The following TSPAN15 variants were observed in gnomAD, a reference collection of about 807,000 sequenced individuals.
TSPAN15 encodes tetraspanin-15.
In TSPAN15, 20 loss-of-function variants were observed where a neutral mutation model predicts 34.5. The ratio of observed to expected loss-of-function variants is 0.58; its 90% confidence interval spans 0.41 to 0.84. The LOEUF is 0.84. TSPAN15 is among the 40% of genes least tolerant of loss of function. The probability of loss-of-function intolerance (pLI) is 0.00; values close to 1 mark genes in which losing one functional copy is unlikely to be tolerated. For missense variants in TSPAN15, 313 were observed against 386.1 expected (o/e 0.81, Z 1.59); for synonymous variants, 155 against 153.9 (o/e 1.01, Z -0.05).
chr10:69,467,370 G>T (rs10998799), intron 1 of TSPAN15, among the ~76,000 whole-genome samples: 60,634 of 152,000 alleles, frequency 0.4, 12,601 homozygotes, highest in Non-Finnish European at 0.45. Flanking sequence ...GCTGACCCTT[G>T]CCTGGGGCCA....
At chr10:69,536,427 C>T in the TSPAN15 span, among the ~76,000 whole-genome samples, 2 of 152,288 alleles carry the variant, frequency 1.3e-5, no homozygotes, top group East Asian at 3.9e-4. Context: ...TGCCTGTCCC[C>T]AAGGGTTTCA....
the TSPAN15 span, among the ~76,000 whole-genome samples, chr10:69,531,940 C>CAA: frequency 1.0e-4 from 10 of 97,288 alleles, no homozygotes; most frequent in African/African-American, 1.6e-4. Context: ...CAAAACAAAA[C>CAA]AAAAAAAAAA....
chr10:69,467,346 C>A (rs529870829), intron 1 of TSPAN15, among the ~76,000 whole-genome samples: 2 of 152,284 alleles, frequency 1.3e-5, no homozygotes, highest in South Asian at 2.1e-4. Context: ...CCACCAGACC[C>A]AGGCCTCTGG....
downstream of TSPAN15, among the ~76,000 whole-genome samples, chr10:69,510,165 T>A (rs1199562118): frequency 6.6e-6 from 1 of 152,242 alleles, no homozygotes; most frequent in African/African-American, 2.4e-5. Context: ...TAAATTACTT[T>A]GGGCCATATG....
chr10:69,545,684 C>T, the TSPAN15 span, among the ~76,000 whole-genome samples: 106 of 152,310 alleles, frequency 7.0e-4, no homozygotes, highest in African/African-American at 2.4e-3. Context: ...AGGCTGGGTG[C>T]GGTGGCTCAC....
chr10:69,510,318 G>A (rs894826336), downstream of TSPAN15, among the ~76,000 whole-genome samples: 17 of 152,136 alleles, frequency 1.1e-4, no homozygotes, highest in African/African-American at 3.6e-4. Flanking sequence ...TGTATTCCTA[G>A]GTATTTTATT....
chr10:69,457,230 C>A (rs576851514), intron 1 of TSPAN15, among the ~76,000 whole-genome samples: 1 of 152,182 alleles, frequency 6.6e-6, no homozygotes, highest in African/African-American at 2.4e-5. Flanking sequence ...GAATGCTGCC[C>A]CTGGGGCCTG....
intron 5 of TSPAN15, among the ~76,000 whole-genome samples, chr10:69,503,645 G>A (rs55789551): frequency 0.096 from 14,631 of 152,176 alleles, 838 homozygotes; most frequent in South Asian, 0.13. Flanking sequence ...GTCATCACTG[G>A]CGCCTGCAGC....
In TSPAN15 at chr10:69,498,411, T is replaced by C; in HGVS notation, c.570+15T>C. 1.9e-6 allele frequency: 3 copies of C among 1,607,236 alleles called. No homozygotes were observed. The highest frequency in any genetic ancestry group is 2.6e-6 in the Non-Finnish European group (3 of 1,173,944). The stretch of plus-strand genomic sequence containing the variant: ...TCAGGAACACGGTAGACACTGCTCC[T>C]GTGGGGACTGGGGGGCTGTCGGGGA... On this transcript the variant is annotated intron_variant, in intron 5 of 7. Transcript: ENST00000373290.
At chr10:69,539,449 A>AAGAAGAAGAAGAAGAAGG in the TSPAN15 span, among the ~76,000 whole-genome samples, 4 of 26,938 alleles carry the variant, frequency 1.5e-4, no homozygotes, top group African/African-American at 4.7e-4. Context: ...AAGGAAGAAG[A>AAGAAGAAGAAGAAGAAGG]AGAAGAAGAA....
chr10:69,497,139 C>T (rs1366732385), intron 4 of TSPAN15, among the ~76,000 whole-genome samples: 1 of 152,152 alleles, frequency 6.6e-6, no homozygotes, highest in Non-Finnish European at 1.5e-5. Flanking sequence ...GAGGATTTGA[C>T]CTTGGGTCTG....
chr10:69,465,322 G>T (rs1841360891), intron 1 of TSPAN15, among the ~76,000 whole-genome samples: 1 of 152,212 alleles, frequency 6.6e-6, no homozygotes, highest in Admixed American at 6.5e-5. Context: ...GGGACCCACA[G>T]ACCCTGAGAT....
At chr10:69,491,612 C>T (rs1841971524) in intron 3 of TSPAN15, among the ~76,000 whole-genome samples, 1 of 151,910 alleles carries the variant, frequency 6.6e-6, no homozygotes, top group Non-Finnish European at 1.5e-5. Flanking sequence ...ATCCTCCTGC[C>T]TTGGCATCCC....
downstream of TSPAN15, among the ~76,000 whole-genome samples, chr10:69,509,041 G>T (rs1006434057): frequency 3.3e-5 from 5 of 152,164 alleles, no homozygotes. Context: ...TTGTAGTCCT[G>T]GGGCTCTGGC....
At chr10:69,544,949 C>T in the TSPAN15 span, among the ~76,000 whole-genome samples, 313 of 152,316 alleles carry the variant, frequency 2.1e-3, 1 homozygote, top group Non-Finnish European at 3.5e-3. Flanking sequence ...GTGGCTCCCA[C>T]GCCTTGCCTC....
chr10:69,490,579 G>A (rs1841947127), intron 3 of TSPAN15, among the ~76,000 whole-genome samples: 1 of 152,168 alleles, frequency 6.6e-6, no homozygotes, highest in Non-Finnish European at 1.5e-5. Flanking sequence ...AAAGTAGCTA[G>A]GCGTGGTAGT....
rs1254101685 is a variant in TSPAN15, at chr10:69,483,845, C to T, written c.251C>T (p.Ser84Phe). 1 of 1,614,010 alleles carries T rather than the reference C, an allele frequency of 6.2e-7. No individual in the cohort carries two copies. The highest frequency in any genetic ancestry group is 8.5e-7 in the Non-Finnish European group (1 of 1,179,996). Residue 84 changes from serine (S) to phenylalanine (F), a missense_variant, in exon 2 of 8, where the codon TCC becomes TTC. By Grantham distance (155) the Ser-to-Phe change is radical. Coordinates refer to ENST00000373290, the MANE Select transcript of TSPAN15 (RefSeq NM_012339.5). ...GTCTCCTTCATTGGTGTGCTGGCGT[C>T]CCTCCGTGACAACCTGTACCTTCTC... ...FMVSFIGVLA[S>F]LRDNLYLLQA...
intron 1 of TSPAN15, among the ~76,000 whole-genome samples, chr10:69,475,484 A>G (rs1375163227): frequency 6.6e-6 from 1 of 151,872 alleles, no homozygotes; most frequent in Non-Finnish European, 1.5e-5. Context: ...TATTTGTTCT[A>G]CCGCTTCTAC....
rs1426734386 is a variant in TSPAN15 at position 69,507,652 on chromosome 10, T to G, written c.*674T>G. ...TTGTTAATCAAACAATAAAAACATG[T>G]TTTTTTTTTTTTTTTTTTTTTGCCT... is the stretch of plus-strand genomic sequence containing the variant. On this transcript the variant is annotated 3_prime_UTR_variant, in exon 8 of 8. Transcript: ENST00000373290. 1 of 166,482 alleles carries G rather than the reference T, an allele frequency of 6.0e-6. No individual in the cohort carries two copies. Among genetic ancestry groups the G allele is most frequent in the Middle Eastern group, 2.2e-3 (1 of 460 alleles). 10.3% of individuals were successfully genotyped at this position (166,482 alleles called of 1,614,324 possible).
Sources: gnomAD v4.1 joint callset for allele counts (sites outside exome capture counted in the v4.1 genomes callset) on GRCh38, gnomAD v4.1.1 for gene constraint, MANE v1.5 for transcripts, NCBI Gene and HGNC (gene_info 2026-07-23, HGNC 2026-07-21) for gene names.